Variants in HEATR5A observed in about 807,000 individuals in gnomAD.
HEATR5A encodes the protein HEAT repeat-containing protein 5A.
Under a neutral mutation model 218.8 loss-of-function variants are expected in HEATR5A, and 178 were observed. That is an observed-to-expected ratio of 0.81 (90% CI 0.72 to 0.92). The LOEUF (loss-of-function observed/expected upper bound fraction) is 0.92, where lower values mean the gene tolerates loss of function less well. Ranked by LOEUF, HEATR5A falls within the 40% of genes least tolerant of loss-of-function variation. HEATR5A has a pLI of 0.00. For synonymous variants in HEATR5A, 864 were observed against 871.6 expected, an observed-to-expected ratio of 0.99 and a Z score of 0.15; for missense variants, 2,420 against 2,418.9, an observed-to-expected ratio of 1.00 and a Z score of -0.01.
chr14:31,418,228 A>G (rs1201964770), intron 1 of HEATR5A, among the ~76,000 whole-genome samples: 1 of 152,134 alleles, frequency 6.6e-6, no homozygotes, highest in Non-Finnish European at 1.5e-5. Context: ...AAAAACAAAC[A>G]AACAAACAGA....
chr14:31,375,282 G>C, intron 11 of HEATR5A, among the ~76,000 whole-genome samples: 1 of 152,158 alleles, frequency 6.6e-6, no homozygotes, highest in East Asian at 1.9e-4. Context: ...TGTAATGCTT[G>C]TCTTTAAGGG....
At chr14:31,356,939 C>G (rs1253772072) in intron 16 of HEATR5A, among the ~76,000 whole-genome samples, 1 of 152,104 alleles carries the variant, frequency 6.6e-6, no homozygotes, top group African/African-American at 2.4e-5. Context: ...CTTAAAAGGC[C>G]AGCCCTGTTT....
In HEATR5A at chr14:31,395,188, G is replaced by C; in HGVS notation, c.597+11C>G. ...ATTAATTTTTAAAGTCTGCTTATTA[G>C]ATCATTTTACCTTTGCAGCAGCACA... On this transcript the variant is annotated intron_variant, in intron 5 of 35. Coordinates refer to ENST00000543095, the MANE Select transcript of HEATR5A (RefSeq NM_015473.4). The C allele has an allele frequency of 2.0e-6, 3 of 1,480,064 alleles. No homozygotes were observed. The highest frequency in any genetic ancestry group is 2.7e-6 in the Non-Finnish European group (3 of 1,115,818). The allele number at this position is 1,480,064 out of a possible 1,614,324, so 91.7% of individuals were successfully genotyped here.
intron 11 of HEATR5A, among the ~76,000 whole-genome samples, chr14:31,379,478 G>A (rs944823477): frequency 6.6e-6 from 1 of 152,006 alleles, no homozygotes; most frequent in African/African-American, 2.4e-5. Context: ...TTGAACTCCT[G>A]ACCTCAAGTG....
chr14:31,305,155 C>G lies in HEATR5A; in HGVS notation c.4989G>C (p.Lys1663Asn). Reference sequence around the variant, plus strand: ...CCTCTCCAAACTCTGGCAGAGTTTCCTTTTCAGCAGCCCCATCATCAACTA... The same window carrying G: ...CCTCTCCAAACTCTGGCAGAGTTTCGTTTTCAGCAGCCCCATCATCAACTA... ...SAEVDDGAAE[K>N]ETLPEFGEGK... The change falls in exon 32 of 36, where the codon AAG becomes AAC. Residue 1663 changes from lysine (K) to asparagine (N), a missense_variant. Transcript: ENST00000543095. 1 of 1,613,842 alleles carries G rather than the reference C, an allele frequency of 6.2e-7. No homozygotes were observed.
rs780035534 is a variant in HEATR5A at position 31,380,572 on chromosome 14, T to A, written c.1603A>T (p.Met535Leu). 1 of 1,583,040 alleles carries A rather than the reference T, an allele frequency of 6.3e-7. No homozygotes were observed. Among genetic ancestry groups the A allele is most frequent in the Non-Finnish European group, 8.6e-7 (1 of 1,162,446 alleles). The change falls in exon 11 of 36, where the codon ATG becomes TTG. Residue 535 changes from methionine (M) to leucine (L), a missense_variant. Physicochemically the swap from Met to Leu is conservative, Grantham distance 15 (BLOSUM62 2). Transcript: ENST00000543095. Reference sequence around the variant, plus strand: ...CACAGCAAATCCTCTGCTAATGTCATAATAATCTATTTACATATAGAACAA... The same window carrying A: ...CACAGCAAATCCTCTGCTAATGTCAAAATAATCTATTTACATATAGAACAA... ...GIPHGKGKII[M>L]TLAEDLLCSA... is the part of the protein sequence containing the mutation.
chr14:31,360,678 C>T (rs550844357), intron 14 of HEATR5A, among the ~76,000 whole-genome samples: 66 of 152,198 alleles, frequency 4.3e-4, no homozygotes, highest in African/African-American at 1.4e-3. Context: ...TTATACTCTT[C>T]GAAGTGTTTC....
At chr14:31,354,218 T>G (rs575871626) in intron 16 of HEATR5A, among the ~76,000 whole-genome samples, 1 of 152,234 alleles carries the variant, frequency 6.6e-6, no homozygotes, top group South Asian at 2.1e-4. Flanking sequence ...CTCCCAAGTT[T>G]AAAAACCTAT....
rs1247704158 is a variant in HEATR5A at position 31,387,319 on chromosome 14, A to G, written c.990T>C (p.Ala330=). 6.2e-7 allele frequency: 1 copy of G among 1,613,916 alleles called. No individual in the cohort carries two copies. The highest frequency in any genetic ancestry group is 1.1e-5 in the South Asian group (1 of 91,086). The change falls in exon 8 of 36, where the codon GCT becomes GCC. Residue 330 remains alanine, a synonymous_variant. Coordinates refer to ENST00000543095, the MANE Select transcript of HEATR5A (RefSeq NM_015473.4). The stretch of plus-strand genomic sequence containing the variant: ...GGCTTAGGATATGAGAAAAAAAGGC[A>G]GCAAAATTTTTCTCTAGCCAAGCTC... ...LGGAWLEKNF[A]AFFSHILSLA...
At chr14:31,401,870 T>C (rs1409164083) in intron 2 of HEATR5A, among the ~76,000 whole-genome samples, 1 of 152,246 alleles carries the variant, frequency 6.6e-6, no homozygotes, top group Non-Finnish European at 1.5e-5. Flanking sequence ...ATATAAATGT[T>C]AATAACATTA....
At chr14:31,348,392 A>G (rs967202419) in intron 18 of HEATR5A, among the ~76,000 whole-genome samples, 4 of 151,966 alleles carry the variant, frequency 2.6e-5, no homozygotes, top group Non-Finnish European at 5.9e-5. Flanking sequence ...CCTGGACAAC[A>G]TAATGAGACC....
chr14:31,381,852 T>A (rs1010138286), intron 10 of HEATR5A, among the ~76,000 whole-genome samples: 2 of 152,210 alleles, frequency 1.3e-5, no homozygotes, highest in South Asian at 4.1e-4. Context: ...TTATGGATAA[T>A]GTATGCTTAC....
At position 31,387,432 on chromosome 14, in the gene HEATR5A, C is replaced by T. The variant is rs541366301; in HGVS notation, c.934-57G>A. ...TAAATTGTTTCAATTCTGTATTCTC[C>T]CCCACAAAACATGTAGCATTTATTA... On this transcript the variant is annotated intron_variant, in intron 7 of 35. Transcript: ENST00000543095. The T allele has an allele frequency of 7.4e-6, 9 of 1,223,330 alleles. No individual in the cohort carries two copies. The East Asian group carries it at 2.0e-4, about 27-fold the overall frequency. The allele number at this position is 1,223,330 out of a possible 1,614,324, so 75.8% of individuals were successfully genotyped here.
chr14:31,390,997 G>C (rs1338423637), intron 6 of HEATR5A, among the ~76,000 whole-genome samples: 1 of 152,120 alleles, frequency 6.6e-6, no homozygotes, highest in Non-Finnish European at 1.5e-5. Flanking sequence ...TAAGGTGAAA[G>C]ACAGTGAGAT....
chr14:31,401,945 T>A (rs1273812574), intron 2 of HEATR5A, among the ~76,000 whole-genome samples: 1 of 152,224 alleles, frequency 6.6e-6, no homozygotes, highest in East Asian at 1.9e-4. Context: ...CTAATGGTAT[T>A]CAGGTGCTCA....
At chr14:31,393,978 A>G in intron 6 of HEATR5A, 74 bp downstream of exon 6, 2 of 981,960 alleles carry the variant, frequency 2.0e-6, no homozygotes, top group Non-Finnish European at 2.9e-6. Context: ...TAGCAATAAC[A>G]CTATACATAT....
intron 4 of HEATR5A, among the ~76,000 whole-genome samples, chr14:31,397,321 T>C (rs2030692097): frequency 6.6e-6 from 1 of 151,972 alleles, no homozygotes; most frequent in Non-Finnish European, 1.5e-5. Flanking sequence ...GTAACCAGTG[T>C]GATGTTTTTA....
chr14:31,403,359 G>T (rs1013468550), intron 1 of HEATR5A, among the ~76,000 whole-genome samples: 1 of 152,136 alleles, frequency 6.6e-6, no homozygotes, highest in African/African-American at 2.4e-5. Context: ...TCTGTGTTGG[G>T]TTTTCTTTGT....
intron 16 of HEATR5A, among the ~76,000 whole-genome samples, chr14:31,357,076 C>T (rs549574791): frequency 1.0e-3 from 153 of 152,278 alleles, no homozygotes; most frequent in African/African-American, 3.6e-3. Context: ...TTGAATATTC[C>T]AAACCACTGT....
Sources: allele counts gnomAD v4.1 joint callset (sites outside exome capture counted in the v4.1 genomes callset), GRCh38; gene constraint gnomAD v4.1.1; transcripts MANE v1.5; gene names NCBI Gene and HGNC (gene_info 2026-07-23, HGNC 2026-07-21).